VEPH1: variants seen among roughly 807,000 people sequenced by gnomAD.
VEPH1 encodes ventricular zone-expressed PH domain-containing protein homolog 1.
VEPH1 carries 80 observed loss-of-function variants against 85.2 expected under a neutral mutation model. That is an observed-to-expected ratio of 0.94 (90% confidence interval 0.78 to 1.13). The LOEUF is 1.13. Ranked by LOEUF, VEPH1 falls within the 50% of genes most tolerant of loss-of-function variation. The pLI is 0.00. For missense variants in VEPH1, 955 were observed against 980.5 expected, an observed-to-expected ratio of 0.97 and a Z score of 0.35; for synonymous variants, 297 against 348.0, an observed-to-expected ratio of 0.85 and a Z score of 1.63.
rs138952641 is a variant in VEPH1 at position 157,475,887 on chromosome 3, C to CA, written c.139-5359dup. On this transcript the variant is annotated intron_variant, in intron 2 of 13. Coordinates refer to ENST00000362010, the MANE Select transcript of VEPH1 (RefSeq NM_001167912.2). Reference sequence around the variant, plus strand: ...AAGAGAAATGGCTTGGCTGAATGGCCAAGGGCCTGAAAAAAGAACGATTGA... The same window carrying CA: ...AAGAGAAATGGCTTGGCTGAATGGCCAAAGGGCCTGAAAAAAGAACGATTGA... Among the ~76,000 whole-genome samples the CA allele has an allele frequency of 1.0e-2, 1,519 of 152,250 alleles. 25 individuals carry two copies. The highest frequency in any genetic ancestry group is 0.067 in the East Asian group (350 of 5,188).
rs1258693024 is a variant in VEPH1 at position 157,460,198 on chromosome 3, A to G, written c.512T>C (p.Val171Ala). 1.2e-6 allele frequency: 2 copies of G among 1,614,174 alleles called. No homozygotes were observed. The highest frequency in any genetic ancestry group is 2.2e-5 in the South Asian group (2 of 91,084). The change falls in exon 4 of 14, where the codon GTA becomes GCA. Residue 171 changes from valine (V) to alanine (A), a missense_variant. Transcript: ENST00000362010. ...DLLADHTEVIVKSILQGNTML... is the reference protein window; with the variant it reads ...DLLADHTEVIAKSILQGNTML... ...CACCATACCTTGGAGTATGCTCTTT[A>G]CTATAACTTCCGTGTGATCAGCCAG... is the stretch of plus-strand genomic sequence containing the variant.
chr3:157,261,280 G>C lies in VEPH1; in HGVS notation c.2356C>G (p.Arg786Gly). 2 of 1,613,600 alleles carry C rather than the reference G, an allele frequency of 1.2e-6. No individual in the cohort carries two copies. Among genetic ancestry groups the C allele is most frequent in the South Asian group, 2.2e-5 (2 of 91,076 alleles). The change falls in exon 14 of 14, where the codon CGG becomes GGG. Residue 786 changes from arginine to glycine, a missense_variant. Coordinates refer to ENST00000362010, the MANE Select transcript of VEPH1 (RefSeq NM_001167912.2). The part of the protein sequence containing the change: ...AKKRRDRSLP[R>G]AFEIFTDNKT... ...TTGTCTGTGAAGATTTCGAAAGCCC[G>C]GGGGAGAGAGCGGTCCCTGCGTTTC...
intron 3 of VEPH1, among the ~76,000 whole-genome samples, chr3:157,466,214 G>T (rs539939582): frequency 4.6e-5 from 7 of 152,020 alleles, no homozygotes; most frequent in South Asian, 2.1e-4. Flanking sequence ...AAAAAAAAGT[G>T]GGGGGGTGGG....
intron 7 of VEPH1, 47 bp from the exon 8 acceptor site, chr3:157,364,559 T>C: frequency 6.5e-7 from 1 of 1,549,282 alleles, no homozygotes; most frequent in Non-Finnish European, 8.9e-7. Flanking sequence ...ATATATACTC[T>C]TCAGAACAGT....
At chr3:157,477,855 T>C (rs1218696396) in intron 2 of VEPH1, among the ~76,000 whole-genome samples, 1 of 152,182 alleles carries the variant, frequency 6.6e-6, no homozygotes, top group Non-Finnish European at 1.5e-5. Flanking sequence ...GGAAACCAGT[T>C]AATCACAGAC....
intron 6 of VEPH1, chr3:157,410,042 A>T: frequency 1.4e-6 from 1 of 693,894 alleles, no homozygotes; most frequent in Non-Finnish European, 1.8e-6. Context: ...TCAAAGTTGG[A>T]TTGGCTTTTC....
intron 8 of VEPH1, 135 bp from the exon 9 acceptor site, chr3:157,363,896 T>C (rs1726337895): frequency 1.0e-6 from 1 of 991,696 alleles, no homozygotes; most frequent in Non-Finnish European, 1.4e-6. Context: ...GATAAATGTA[T>C]ACCACCAATA....
intron 7 of VEPH1, among the ~76,000 whole-genome samples, chr3:157,380,476 AC>A (rs1431237239): frequency 6.6e-6 from 1 of 152,226 alleles, no homozygotes; most frequent in East Asian, 1.9e-4. Flanking sequence ...TTGTAACATA[AC>A]CCTAGTCATA....
At chr3:157,401,473 A>G (rs1442746074) in intron 6 of VEPH1, among the ~76,000 whole-genome samples, 1 of 152,178 alleles carries the variant, frequency 6.6e-6, no homozygotes, top group Non-Finnish European at 1.5e-5. Context: ...ACTTATTTTC[A>G]AAACAAATAG....
intron 5 of VEPH1, among the ~76,000 whole-genome samples, chr3:157,417,421 T>C (rs187600709): frequency 3.5e-3 from 534 of 152,300 alleles, no homozygotes; most frequent in Non-Finnish European, 4.3e-3. Flanking sequence ...AAACTGGCCT[T>C]CTTGCCTCAA....
At chr3:157,462,680 A>G (rs1735992652) in intron 3 of VEPH1, among the ~76,000 whole-genome samples, 1 of 152,188 alleles carries the variant, frequency 6.6e-6, no homozygotes, top group South Asian at 2.1e-4. Context: ...ATAACATTCT[A>G]TGATTTTTCT....
At chr3:157,403,789 G>A (rs1025988362) in intron 6 of VEPH1, among the ~76,000 whole-genome samples, 1 of 152,124 alleles carries the variant, frequency 6.6e-6, no homozygotes, top group Non-Finnish European at 1.5e-5. Context: ...ATAGCTGTGT[G>A]TGTGTCTGGA....
At chr3:157,296,700 A>G (rs900402372) in intron 11 of VEPH1, among the ~76,000 whole-genome samples, 5 of 152,270 alleles carry the variant, frequency 3.3e-5, no homozygotes, top group African/African-American at 1.2e-4. Context: ...GCATAGGCTA[A>G]GTGACAGAGA....
At chr3:157,277,140 C>G (rs546153517) in intron 12 of VEPH1, among the ~76,000 whole-genome samples, 36 of 152,346 alleles carry the variant, frequency 2.4e-4, no homozygotes, top group Admixed American at 4.6e-4. Context: ...ATCCACCCAC[C>G]TGGGCCTCCC....
At chr3:157,281,787 C>T (rs780936173) in intron 12 of VEPH1, among the ~76,000 whole-genome samples, 3 of 152,178 alleles carry the variant, frequency 2.0e-5, no homozygotes, top group African/African-American at 4.8e-5. Context: ...CCGCCTGCCT[C>T]GGCCTCCCAA....
intron 11 of VEPH1, among the ~76,000 whole-genome samples, chr3:157,306,568 A>C (rs1477897379): frequency 6.6e-6 from 1 of 152,024 alleles, no homozygotes; most frequent in Non-Finnish European, 1.5e-5. Flanking sequence ...ATCAAGGGAC[A>C]TTTGGGTTGC....
chr3:157,295,102 C>T (rs1717960299), intron 11 of VEPH1, among the ~76,000 whole-genome samples: 2 of 152,178 alleles, frequency 1.3e-5, no homozygotes, highest in African/African-American at 4.8e-5. Context: ...TCCTTGCCTA[C>T]AGTACAGACC....
intron 5 of VEPH1, among the ~76,000 whole-genome samples, chr3:157,425,101 T>C (rs1732653397): frequency 6.6e-6 from 1 of 152,178 alleles, no homozygotes; most frequent in Non-Finnish European, 1.5e-5. Flanking sequence ...TCCCAGACAC[T>C]CCCACAATGA....
intron 4 of VEPH1, chr3:157,437,576 A>G (rs768086222): frequency 6.3e-7 from 1 of 1,596,472 alleles, no homozygotes; most frequent in Non-Finnish European, 8.5e-7. Flanking sequence ...ATGCTGGAGA[A>G]CTCGCAGATG....
Sources: allele counts gnomAD v4.1 joint callset (sites outside exome capture counted in the v4.1 genomes callset), GRCh38; gene constraint gnomAD v4.1.1; transcripts MANE v1.5; gene names NCBI Gene and HGNC (gene_info 2026-07-23, HGNC 2026-07-21).